Variants in RFC1 observed in about 807,000 individuals in gnomAD.
RFC1 encodes the protein replication factor C subunit 1.
RFC1 carries 37 observed loss-of-function variants against 137.4 expected under a neutral mutation model. The observed-to-expected ratio is 0.27, with a 90% CI of 0.21 to 0.35. The LOEUF (loss-of-function observed/expected upper bound fraction) is 0.35. RFC1 is among the 10% of genes least tolerant of loss of function. RFC1 has a pLI of 1.00. For synonymous variants in RFC1, 429 were observed against 455.7 expected (o/e 0.94, Z 0.75); for missense variants, 1,205 against 1,358.5 (o/e 0.89, Z 1.78).
chr4:39,307,213 T>C (rs571160191), intron 13 of RFC1, among the ~76,000 whole-genome samples: 6 of 152,322 alleles, frequency 3.9e-5, no homozygotes, highest in Admixed American at 1.3e-4. Context: ...AGTAGCTACA[T>C]GGTCACAAGA....
intron 4 of RFC1, among the ~76,000 whole-genome samples, chr4:39,332,875 T>C (rs1740169787): frequency 6.6e-6 from 1 of 152,204 alleles, no homozygotes; most frequent in Non-Finnish European, 1.5e-5. Context: ...CCCAGCACTT[T>C]GGGAGGCCAA....
At chr4:39,313,910 G>A (rs932121695) in intron 10 of RFC1, among the ~76,000 whole-genome samples, 1 of 152,132 alleles carries the variant, frequency 6.6e-6, no homozygotes, top group Non-Finnish European at 1.5e-5. Context: ...AAGAGAGCTG[G>A]ATGGAAAAGA....
intron 1 of RFC1, among the ~76,000 whole-genome samples, chr4:39,354,600 A>G (rs1012114574): frequency 6.6e-6 from 1 of 152,074 alleles, no homozygotes; most frequent in Non-Finnish European, 1.5e-5. Flanking sequence ...TACTACACAA[A>G]AAGTGCCATA....
intron 4 of RFC1, among the ~76,000 whole-genome samples, chr4:39,335,533 G>A (rs146834585): frequency 6.6e-6 from 1 of 152,184 alleles, no homozygotes; most frequent in African/African-American, 2.4e-5. Context: ...GGTCTAGTGA[G>A]GTAGCTGAGT....
At chr4:39,316,826 T>A (rs564033568) in intron 10 of RFC1, 89 bp downstream of exon 10, 12 of 733,066 alleles carry the variant, frequency 1.6e-5, no homozygotes, top group African/African-American at 1.4e-4. Flanking sequence ...TAATTATTAA[T>A]CCTCTGCTGC....
intron 1 of RFC1, among the ~76,000 whole-genome samples, chr4:39,353,054 C>T (rs1219419813): frequency 6.6e-6 from 1 of 151,672 alleles, no homozygotes; most frequent in Non-Finnish European, 1.5e-5. Context: ...ACACAAATAA[C>T]TGTGGCTAAG....
chr4:39,357,498 G>T lies in RFC1; in HGVS notation c.4-6022C>A, dbSNP rs74591015. 8.7e-3 allele frequency among the ~76,000 whole-genome samples: 1,317 copies of T among 152,204 alleles called. 9 individuals carry two copies. Among genetic ancestry groups the T allele is most frequent in the Non-Finnish European group, 0.014 (954 of 68,004 alleles). Reference sequence around the variant, plus strand: ...GCATCTTTTCATACCTGCATAACTGGGATAACTAAAGCATTTGAGACTGTT... The same window carrying T: ...GCATCTTTTCATACCTGCATAACTGTGATAACTAAAGCATTTGAGACTGTT... On this transcript the variant is annotated intron_variant, in intron 1 of 24. Coordinates refer to ENST00000349703, the MANE Select transcript of RFC1 (RefSeq NM_002913.5).
Position 39,366,336 on chromosome 4 carries a change from TC to T in RFC1, c.-96del. ...AGGATCCATTCGCGCCAACAACTTC[TC>T]CCGCGAAGTGCAAGAAGGCGAAGAC... On this transcript the variant is annotated 5_prime_UTR_variant, in exon 1 of 25. Transcript: ENST00000349703. The T allele has an allele frequency of 1.5e-6, 2 of 1,343,806 alleles. No homozygotes were observed. Among genetic ancestry groups the T allele is most frequent in the South Asian group, 3.1e-5 (2 of 64,338 alleles). The allele number at this position is 1,343,806 out of a possible 1,614,324, so 83.2% of individuals were successfully genotyped here.
intron 1 of RFC1, among the ~76,000 whole-genome samples, chr4:39,354,566 C>A (rs1034053339): frequency 6.6e-6 from 1 of 151,952 alleles, no homozygotes; most frequent in African/African-American, 2.4e-5. Context: ...AGGCCAGAAA[C>A]CATCCCTAAA....
intron 4 of RFC1, among the ~76,000 whole-genome samples, chr4:39,340,376 A>G (rs995644012): frequency 6.6e-6 from 1 of 152,174 alleles, no homozygotes; most frequent in African/African-American, 2.4e-5. Context: ...ACAGTTTTAG[A>G]TTAGAATTTT....
intron 19 of RFC1, among the ~76,000 whole-genome samples, chr4:39,301,290 A>G (rs1201642129): frequency 6.6e-6 from 1 of 152,200 alleles, no homozygotes; most frequent in African/African-American, 2.4e-5. Context: ...GAAAGCGGAA[A>G]GGAAGAATGA....
intron 7 of RFC1, 164 bp downstream of exon 7, chr4:39,323,176 G>A (rs961253024): frequency 2.3e-6 from 1 of 439,366 alleles, no homozygotes; most frequent in African/African-American, 2.0e-5. Flanking sequence ...CTTCTTTTAA[G>A]AAGAATAAGT....
rs1739454923 is a variant in RFC1 at position 39,320,372 on chromosome 4, A to G, written c.1095+11T>C. 1 of 1,462,888 alleles carries G rather than the reference A, an allele frequency of 6.8e-7. No individual in the cohort carries two copies. Among genetic ancestry groups the G allele is most frequent in the Non-Finnish European group, 9.0e-7 (1 of 1,105,274 alleles). The allele number at this position is 1,462,888 out of a possible 1,614,324, so 90.6% of individuals were successfully genotyped here. On this transcript the variant is annotated intron_variant, in intron 9 of 24. Coordinates refer to ENST00000349703, the MANE Select transcript of RFC1 (RefSeq NM_002913.5). Reference sequence around the variant, plus strand: ...CTCAAAAAAAAAAAAAAAAAAAAACAAAGTTCTTACCTCTTTTTTAGCTGG... The same window carrying G: ...CTCAAAAAAAAAAAAAAAAAAAAACGAAGTTCTTACCTCTTTTTTAGCTGG...
At chr4:39,329,447 G>A (rs531464314) in intron 4 of RFC1, among the ~76,000 whole-genome samples, 192 of 151,900 alleles carry the variant, frequency 1.3e-3, no homozygotes, top group African/African-American at 3.9e-3. Context: ...AAACTTAGCC[G>A]GGCGTAGCGG....
chr4:39,311,214 G>A (rs1030084912), intron 12 of RFC1, among the ~76,000 whole-genome samples: 1 of 152,100 alleles, frequency 6.6e-6, no homozygotes, highest in Non-Finnish European at 1.5e-5. Context: ...TATGTTATAT[G>A]CAATATACTG....
intron 24 of RFC1, 106 bp downstream of exon 24, chr4:39,289,742 A>T (rs928316462): frequency 6.7e-6 from 5 of 747,278 alleles, no homozygotes; most frequent in Non-Finnish European, 1.1e-5. Context: ...AAACTTAAGA[A>T]GTATTTTCAA....
intron 6 of RFC1, among the ~76,000 whole-genome samples, chr4:39,325,383 C>T (rs1440301546): frequency 6.6e-6 from 1 of 152,108 alleles, no homozygotes; most frequent in South Asian, 2.1e-4. Flanking sequence ...AAGGCCATAA[C>T]TGAATATTAT....
At chr4:39,337,122 C>T (rs1433442801) in intron 4 of RFC1, among the ~76,000 whole-genome samples, 1 of 152,208 alleles carries the variant, frequency 6.6e-6, no homozygotes, top group African/African-American at 2.4e-5. Context: ...CGCCTATAAT[C>T]CCAGCACTTT....
intron 1 of RFC1, among the ~76,000 whole-genome samples, chr4:39,353,184 T>C (rs537090184): frequency 3.0e-4 from 45 of 152,084 alleles, no homozygotes; most frequent in African/African-American, 9.4e-4. Context: ...AAGGATCACT[T>C]GAGGCCAGGA....
Sources: gnomAD v4.1 joint callset for allele counts (sites outside exome capture counted in the v4.1 genomes callset) on GRCh38, gnomAD v4.1.1 for gene constraint, MANE v1.5 for transcripts, NCBI Gene and HGNC (gene_info 2026-07-23, HGNC 2026-07-21) for gene names.